Variants in RBFOX1 observed in about 807,000 individuals in gnomAD.
RBFOX1 encodes the protein RNA binding protein fox-1 homolog 1.
In RBFOX1, 8 loss-of-function variants were observed where a neutral mutation model predicts 57.7. The observed-to-expected ratio is 0.14, with a 90% CI of 0.08 to 0.25. RBFOX1 has a LOEUF of 0.25. Ranked by LOEUF, RBFOX1 falls within the 10% of genes least tolerant of loss-of-function variation. RBFOX1 has a pLI of 1.00. For missense variants in RBFOX1, 611 were observed against 548.5 expected, an observed-to-expected ratio of 1.11 and a Z score of -1.14; for synonymous variants, 326 against 222.4, an observed-to-expected ratio of 1.47 and a Z score of -4.15.
intron 3 of RBFOX1, among the ~76,000 whole-genome samples, chr16:5,783,077 C>T (rs1208971206): frequency 6.6e-6 from 1 of 152,160 alleles, no homozygotes; most frequent in Non-Finnish European, 1.5e-5. Context: ...TCTTAGCATT[C>T]CCTAATCCAG....
chr16:6,791,398 C>T (rs993346857), intron 3 of RBFOX1, among the ~76,000 whole-genome samples: 3 of 152,116 alleles, frequency 2.0e-5, no homozygotes, highest in East Asian at 1.9e-4. Context: ...CTAATAGGTG[C>T]AGCCCTGTGA....
chr16:7,341,782 CCTTCCTTCCTTCCT>C (rs2096901363), intron 4 of RBFOX1, among the ~76,000 whole-genome samples: 1 of 68,786 alleles, frequency 1.5e-5, no homozygotes, highest in African/African-American at 6.2e-5. Flanking sequence ...CTCCCTCCTT[CCTTCCTTCCTTCCT>C]TCCTTCCTTC....
intron 2 of RBFOX1, among the ~76,000 whole-genome samples, chr16:6,584,878 G>C (rs1244395158): frequency 1.3e-5 from 2 of 152,156 alleles, no homozygotes; most frequent in African/African-American, 4.8e-5. Flanking sequence ...AAAATGAGAT[G>C]TCTGGTCATG....
intron 3 of RBFOX1, among the ~76,000 whole-genome samples, chr16:6,877,888 A>G (rs2062134219): frequency 6.6e-6 from 1 of 152,198 alleles, no homozygotes; most frequent in Non-Finnish European, 1.5e-5. Context: ...GATTGCTTCC[A>G]GACTAAGAAC....
chr16:6,835,337 G>T (rs1042279338), intron 3 of RBFOX1, among the ~76,000 whole-genome samples: 3 of 152,142 alleles, frequency 2.0e-5, no homozygotes, highest in African/African-American at 7.2e-5. Context: ...TATAGGCATA[G>T]ACTCCTTGAT....
chr16:7,021,304 C>A (rs11649362), intron 3 of RBFOX1, among the ~76,000 whole-genome samples: 35,382 of 147,820 alleles, frequency 0.24, 5,188 homozygotes, highest in African/African-American at 0.41. Flanking sequence ...CTCTCTCTCT[C>A]TATATATATA....
chr16:7,015,532 C>T (rs982162457), intron 3 of RBFOX1, among the ~76,000 whole-genome samples: 1 of 152,166 alleles, frequency 6.6e-6, no homozygotes, highest in African/African-American at 2.4e-5. Context: ...AATCAAGCAT[C>T]AATTAATTCT....
rs112841567 is a variant in RBFOX1 at position 6,357,963 on chromosome 16, GA to G, written c.-64+40921del. Among the ~76,000 whole-genome samples, 426 of 115,072 alleles carry G rather than the reference GA, an allele frequency of 3.7e-3. 3 individuals are homozygous for G. The highest frequency in any genetic ancestry group is 0.026 in the East Asian group (111 of 4,202). The allele number at this position is 115,072 out of a possible 152,430, so 75.5% of individuals were successfully genotyped here. ...CAGAGCAAGACTCCATCTCAAAAAA[GA>G]AAAAAAAAAAAAAAGAAATTAATGG... On this transcript the variant is annotated intron_variant, in intron 2 of 15. Transcript: ENST00000550418.
chr16:7,610,285 C>G (rs1320585629), intron 10 of RBFOX1, among the ~76,000 whole-genome samples: 1 of 151,552 alleles, frequency 6.6e-6, no homozygotes, highest in African/African-American at 2.4e-5. Flanking sequence ...ATGCCCGGAT[C>G]ATTTTTGTAT....
At chr16:7,516,044 C>T (rs1746376105) in intron 4 of RBFOX1, among the ~76,000 whole-genome samples, 1 of 152,114 alleles carries the variant, frequency 6.6e-6, no homozygotes, top group African/African-American at 2.4e-5. Flanking sequence ...AGGGTTTCAC[C>T]ATGTTGCCCA....
intron 5 of RBFOX1, among the ~76,000 whole-genome samples, chr16:7,578,940 C>T (rs1567928553): frequency 6.6e-6 from 1 of 152,100 alleles, no homozygotes; most frequent in Non-Finnish European, 1.5e-5. Context: ...ATTTGGAAGA[C>T]AGGGGAGGTG....
chr16:6,498,805 C>G (rs576209892), intron 2 of RBFOX1, among the ~76,000 whole-genome samples: 1 of 152,072 alleles, frequency 6.6e-6, no homozygotes, highest in Non-Finnish European at 1.5e-5. Flanking sequence ...TAGTGTTATT[C>G]CCACCTGCTA....
At chr16:7,215,746 A>G (rs2091925751) in intron 4 of RBFOX1, among the ~76,000 whole-genome samples, 1 of 109,934 alleles carries the variant, frequency 9.1e-6, no homozygotes, top group Admixed American at 9.4e-5. Flanking sequence ...TTTTTTTGAG[A>G]CGGAGTCTTG....
At chr16:6,365,885 TAGAG>T in intron 2 of RBFOX1, among the ~76,000 whole-genome samples, 1 of 152,212 alleles carries the variant, frequency 6.6e-6, no homozygotes, top group Non-Finnish European at 1.5e-5. Flanking sequence ...ATACCTAGAA[TAGAG>T]AGAGCATTTT....
intron 3 of RBFOX1, among the ~76,000 whole-genome samples, chr16:6,841,663 A>G (rs892792536): frequency 3.3e-5 from 5 of 152,016 alleles, no homozygotes; most frequent in African/African-American, 1.2e-4. Flanking sequence ...GTAGTAACAG[A>G]GTGCTTTAGC....
At chr16:7,119,229 CA>C (rs1826850004) in intron 4 of RBFOX1, among the ~76,000 whole-genome samples, 1 of 152,088 alleles carries the variant, frequency 6.6e-6, no homozygotes, top group South Asian at 2.1e-4. Context: ...AGGTACAAGG[CA>C]GTAATTTTTT....
intron 2 of RBFOX1, among the ~76,000 whole-genome samples, chr16:6,611,306 C>T (rs567254913): frequency 6.6e-6 from 1 of 152,196 alleles, no homozygotes; most frequent in South Asian, 2.1e-4. Flanking sequence ...ACCACCACGC[C>T]TGGCTAATTT....
chr16:6,539,327 C>G (rs1459249251), intron 2 of RBFOX1, among the ~76,000 whole-genome samples: 3 of 152,104 alleles, frequency 2.0e-5, no homozygotes, highest in Non-Finnish European at 2.9e-5. Context: ...ATAGTACTTA[C>G]AGAAATGGCT....
chr16:7,003,227 G>A (rs905929463), intron 3 of RBFOX1, among the ~76,000 whole-genome samples: 2 of 152,080 alleles, frequency 1.3e-5, no homozygotes, highest in Non-Finnish European at 2.9e-5. Context: ...TTGGGAGGCC[G>A]AGGTGGGTGG....
Sources: allele counts gnomAD v4.1 joint callset (sites outside exome capture counted in the v4.1 genomes callset), GRCh38; gene constraint gnomAD v4.1.1; transcripts MANE v1.5; gene names NCBI Gene and HGNC (gene_info 2026-07-23, HGNC 2026-07-21).